PPP2R2B: variants seen among roughly 807,000 people sequenced by gnomAD.
The protein encoded by PPP2R2B is serine/threonine-protein phosphatase 2A 55 kDa regulatory subunit B beta isoform.
A neutral mutation model predicts 46.0 loss-of-function variants in PPP2R2B; 5 were observed. That is an observed-to-expected ratio of 0.11 (90% CI 0.06 to 0.23). PPP2R2B has a LOEUF of 0.23. Among genes scored for constraint, PPP2R2B ranks in the 10% least tolerant of loss-of-function variants. PPP2R2B has a pLI of 1.00. For synonymous variants in PPP2R2B, 215 were observed against 206.7 expected, an observed-to-expected ratio of 1.04 and a Z score of -0.34; for missense variants, 367 against 575.0, an observed-to-expected ratio of 0.64 and a Z score of 3.70.
At chr5:146,756,065 C>T (rs1447407411) in intron 2 of PPP2R2B, among the ~76,000 whole-genome samples, 2 of 152,280 alleles carry the variant, frequency 1.3e-5, no homozygotes, top group Admixed American at 6.5e-5. Flanking sequence ...GAATGGATTG[C>T]TGTTTAATTT....
intron 2 of PPP2R2B, among the ~76,000 whole-genome samples, chr5:146,857,756 C>T (rs1195995784): frequency 6.6e-6 from 1 of 151,402 alleles, no homozygotes; most frequent in African/African-American, 2.4e-5. Context: ...GGCACGATCT[C>T]GGCTCATTGC....
At chr5:146,863,958 A>G (rs565010650) in intron 2 of PPP2R2B, among the ~76,000 whole-genome samples, 127 of 152,298 alleles carry the variant, frequency 8.3e-4, no homozygotes, top group African/African-American at 2.8e-3. Context: ...GGACAGAACA[A>G]AAGTGGAAAA....
chr5:146,643,899 A>G (rs1010567245), intron 6 of PPP2R2B, among the ~76,000 whole-genome samples: 1 of 152,226 alleles, frequency 6.6e-6, no homozygotes, highest in Non-Finnish European at 1.5e-5. Context: ...TGCAGCAAGT[A>G]TTTTCAGCCT....
intron 1 of PPP2R2B, among the ~76,000 whole-genome samples, chr5:147,039,497 T>C (rs2151896018): frequency 6.6e-6 from 1 of 152,274 alleles, no homozygotes; most frequent in Non-Finnish European, 1.5e-5. Flanking sequence ...GCCCACATTC[T>C]GTGCAGAATT....
chr5:146,665,135 A>G (rs1313804863), intron 5 of PPP2R2B, among the ~76,000 whole-genome samples: 1 of 152,222 alleles, frequency 6.6e-6, no homozygotes, highest in East Asian at 1.9e-4. Flanking sequence ...CACCAGCTGC[A>G]TTAGCCCCTA....
At chr5:147,063,352 C>T (rs567818321) in intron 2 of PPP2R2B, among the ~76,000 whole-genome samples, 1 of 152,164 alleles carries the variant, frequency 6.6e-6, no homozygotes, top group Non-Finnish European at 1.5e-5. Flanking sequence ...AAAATTCACT[C>T]TTTCTCCTAT....
At chr5:146,921,008 T>C (rs319160) in intron 1 of PPP2R2B, among the ~76,000 whole-genome samples, 75,514 of 152,040 alleles carry the variant, frequency 0.5, 20,898 homozygotes, top group African/African-American at 0.73. Flanking sequence ...ACCAAATTAG[T>C]CTTTTCTAGG....
chr5:146,651,288 G>A (rs1775939626), intron 5 of PPP2R2B, among the ~76,000 whole-genome samples: 3 of 152,078 alleles, frequency 2.0e-5, no homozygotes, highest in African/African-American at 7.2e-5. Context: ...GGAACCCAAT[G>A]ACATCTGACT....
chr5:146,708,562 C>T (rs1780033897), intron 2 of PPP2R2B, among the ~76,000 whole-genome samples: 1 of 151,984 alleles, frequency 6.6e-6, no homozygotes, highest in African/African-American at 2.4e-5. Flanking sequence ...CTTCATACTG[C>T]TCTTTTTAGT....
chr5:147,043,677 A>C (rs1561595796), intron 1 of PPP2R2B, among the ~76,000 whole-genome samples: 2 of 152,192 alleles, frequency 1.3e-5, no homozygotes. Context: ...CAGTATGTGC[A>C]AGGCACTGTG....
chr5:146,922,672 T>G (rs942542745), intron 1 of PPP2R2B: 5 of 152,176 alleles, frequency 3.3e-5, no homozygotes, highest in African/African-American at 1.2e-4. Flanking sequence ...AACAGTACCT[T>G]TACCCATATA....
In PPP2R2B at chr5:146,698,204, G is replaced by A. The variant is rs185406465; in HGVS notation, c.169-60C>T. The A allele has an allele frequency of 2.5e-3, 3,514 of 1,403,668 alleles. 2 individuals carry two copies. Among genetic ancestry groups the A allele is most frequent in the Non-Finnish European group, 2.7e-3 (2,846 of 1,061,804 alleles). The allele number at this position is 1,403,668 out of a possible 1,614,324, so 87.0% of individuals were successfully genotyped here. A position where few individuals can be genotyped will look rare whatever the true frequency, so the allele number is the denominator to read the frequency against. On this transcript the variant is annotated intron_variant, in intron 3 of 9. Coordinates refer to ENST00000394411, the MANE Select transcript of PPP2R2B (RefSeq NM_181675.4). ...ATCACAGTAGCCAACTGTAAAACTC[G>A]CCAACTCCCTTTTTTTTCCAGCAGT...
At chr5:147,054,721 G>A (rs1756990569) in intron 1 of PPP2R2B, 2 of 456,092 alleles carry the variant, frequency 4.4e-6, no homozygotes, top group Non-Finnish European at 8.8e-6. Flanking sequence ...AGTTCCAAGA[G>A]AGTGTGGCTA....
At chr5:146,786,968 T>A (rs553875297) in intron 2 of PPP2R2B, among the ~76,000 whole-genome samples, 111 of 152,370 alleles carry the variant, frequency 7.3e-4, no homozygotes, top group Non-Finnish European at 1.4e-3. Flanking sequence ...TTAGGGTTTA[T>A]CTTGTTCATT....
At chr5:146,769,319 C>T (rs1016468815) in intron 2 of PPP2R2B, among the ~76,000 whole-genome samples, 1 of 152,200 alleles carries the variant, frequency 6.6e-6, no homozygotes, top group Admixed American at 6.5e-5. Context: ...CCACCCTAGA[C>T]CTGCTGAATC....
At chr5:146,948,504 G>A (rs1764555693) in intron 1 of PPP2R2B, among the ~76,000 whole-genome samples, 2 of 151,684 alleles carry the variant, frequency 1.3e-5, no homozygotes, top group African/African-American at 4.8e-5. Flanking sequence ...CCTGATGTAG[G>A]TACACAAAAA....
At chr5:146,970,893 A>G (rs1752634367) in intron 1 of PPP2R2B, among the ~76,000 whole-genome samples, 2 of 152,192 alleles carry the variant, frequency 1.3e-5, no homozygotes, top group South Asian at 4.1e-4. Flanking sequence ...TACAGAGAAG[A>G]AAATAAAAAT....
chr5:147,074,905 A>G (rs1561614813), intron 2 of PPP2R2B, among the ~76,000 whole-genome samples: 2 of 152,208 alleles, frequency 1.3e-5, no homozygotes, highest in East Asian at 3.8e-4. Flanking sequence ...TGTGATGCCC[A>G]TGTAGCAAAA....
At position 146,878,268 on chromosome 5, in the gene PPP2R2B, G is replaced by A; in HGVS notation, c.-124-73C>T. 12 of 1,476,660 alleles carry A rather than the reference G, an allele frequency of 8.1e-6. No homozygotes were observed. Among genetic ancestry groups the A allele is most frequent in the Non-Finnish European group, 1.1e-5 (12 of 1,117,456 alleles). The allele number at this position is 1,476,660 out of a possible 1,614,324, so 91.5% of individuals were successfully genotyped here. A position where few individuals can be genotyped will look rare whatever the true frequency, so the allele number is the denominator to read the frequency against. ...AATGGAGCTGTCACCTCCTCCACTCGGGTTCTGCGAGGCTGCGGCGGCTCC... is the reference window on the plus strand; with the variant it reads ...AATGGAGCTGTCACCTCCTCCACTCAGGTTCTGCGAGGCTGCGGCGGCTCC... On this transcript the variant is annotated intron_variant, in intron 1 of 9. Transcript: ENST00000394411. This position sits in a 1 kb window ranked among gnomAD's most constrained non-coding sequence, Gnocchi z 4.5.
Sources: allele counts gnomAD v4.1 joint callset (sites outside exome capture counted in the v4.1 genomes callset), GRCh38; gene constraint gnomAD v4.1.1; non-coding constraint Gnocchi (gnomAD v3.1); transcripts MANE v1.5; gene names NCBI Gene and HGNC (gene_info 2026-07-23, HGNC 2026-07-21).